Variants in AMPD3 observed in about 807,000 individuals in gnomAD.
AMPD3 encodes the protein AMP deaminase 3.
Under a neutral mutation model 82.3 loss-of-function variants are expected in AMPD3, and 57 were observed. The ratio of observed to expected loss-of-function variants is 0.69; its 90% CI spans 0.56 to 0.86. The LOEUF (loss-of-function observed/expected upper bound fraction) is 0.86. AMPD3 is among the 40% of genes least tolerant of loss of function. The pLI is 0.00. For missense variants in AMPD3, 870 were observed against 1,003.8 expected (o/e 0.87, Z 1.80); for synonymous variants, 381 against 394.7 (o/e 0.97, Z 0.41).
intron 3 of AMPD3, among the ~76,000 whole-genome samples, chr11:10,480,696 A>G (rs978072068): frequency 6.6e-6 from 1 of 152,132 alleles, no homozygotes; most frequent in Non-Finnish European, 1.5e-5. Context: ...AATTATGCTA[A>G]ATATTATTGT....
At position 10,495,842 on chromosome 11, in the gene AMPD3, G is replaced by A. The variant is rs1444945412; in HGVS notation, c.1430+109G>A. On this transcript the variant is annotated intron_variant, in intron 9 of 14. Coordinates refer to ENST00000396553, the MANE Select transcript of AMPD3 (RefSeq NM_001025389.2). ...AGGGGTAGGGCCTGTTCTGGTGCCA[G>A]CTTACGCTTGTCCTTTCCAGGGATT... The A allele has an allele frequency of 4.3e-6, 6 of 1,387,880 alleles. No individual in the cohort carries two copies. The Admixed American group carries it at 5.6e-5, about 13-fold the overall frequency. 86.0% of individuals were successfully genotyped at this position (1,387,880 alleles called of 1,614,324 possible).
intron 6 of AMPD3, among the ~76,000 whole-genome samples, chr11:10,490,187 G>A (rs1225699889): frequency 1.3e-5 from 2 of 152,230 alleles, no homozygotes; most frequent in Non-Finnish European, 2.9e-5. Context: ...TACAGCAGGT[G>A]AAGGGCTGAG....
intron 10 of AMPD3, chr11:10,499,619 A>G: frequency 1.0e-6 from 1 of 981,616 alleles, no homozygotes; most frequent in Non-Finnish European, 1.2e-6. Context: ...TGCTCTGAAT[A>G]TGAATTAACT....
intron 4 of AMPD3, 31 bp from the exon 5 acceptor site, chr11:10,484,789 C>G: frequency 6.2e-7 from 1 of 1,609,624 alleles, no homozygotes; most frequent in South Asian, 1.1e-5. Flanking sequence ...AGGTCAGGGG[C>G]ACTTTGCCAT....
chr11:10,476,763 C>T (rs1795385480), intron 2 of AMPD3, among the ~76,000 whole-genome samples: 2 of 152,314 alleles, frequency 1.3e-5, no homozygotes, highest in Middle Eastern at 3.4e-3. Context: ...GAACCTCATC[C>T]TCAAGGTGAA....
Position 10,482,131 on chromosome 11 carries a change from T to G in AMPD3, c.495T>G (p.Tyr165Ter), listed in dbSNP as rs774133774. The change falls in exon 4 of 15, where the codon TAT (tyrosine) becomes TAG (stop). Residue 165 changes from tyrosine (Y) to a stop codon, truncating the protein, a stop_gained. Coordinates refer to ENST00000396553, the MANE Select transcript of AMPD3 (RefSeq NM_001025389.2). LOFTEE classifies it high-confidence loss of function. ...LAKALMIREK[Y>*]ARLAYHRFPR... is the part of the protein sequence containing the mutation. The stretch of plus-strand genomic sequence containing the variant: ...AGGCCCTAATGATCCGGGAGAAGTA[T>G]GCGCGGCTCGCCTACCACCGCTTCC... The G allele has an allele frequency of 3.1e-6, 5 of 1,614,168 alleles. No individual in the cohort carries two copies. Among genetic ancestry groups the G allele is most frequent in the Non-Finnish European group, 4.2e-6 (5 of 1,180,042 alleles).
intron 7 of AMPD3, among the ~76,000 whole-genome samples, chr11:10,494,025 CA>C (rs1849317571): frequency 6.6e-6 from 1 of 152,198 alleles, no homozygotes; most frequent in Admixed American, 6.5e-5. Flanking sequence ...AACAGATACT[CA>C]CATACCAATG....
In AMPD3 at chr11:10,504,590, G is replaced by A. The variant is rs1849665323; in HGVS notation, c.2058G>A (p.Trp686Ter). Residue 686 changes from tryptophan (W) to a stop codon, truncating the protein, a stop_gained, in exon 14 of 15, where the codon TGG becomes TGA. Coordinates refer to ENST00000396553, the MANE Select transcript of AMPD3 (RefSeq NM_001025389.2). LOFTEE classifies it high-confidence loss of function. ...AATATGCCATTGCAGCTCAAGTGTG[G>A]AAGCTGAGCACCTGCGACCTGTGTG... ...MEEYAIAAQV[W>*]KLSTCDLCEI... is the part of the protein sequence containing the mutation. 1 of 1,614,188 alleles carries A rather than the reference G, an allele frequency of 6.2e-7. No individual in the cohort carries two copies.
chr11:10,461,614 A>G lies in AMPD3; in HGVS notation c.95A>G (p.Glu32Gly), dbSNP rs1174342627. 6.2e-7 allele frequency: 1 copy of G among 1,614,250 alleles called. No individual in the cohort carries two copies. Among genetic ancestry groups the G allele is most frequent in the Admixed American group, 1.7e-5 (1 of 60,028 alleles). Reference protein sequence around the residue: ...EKVFAKVLREEDSKDALSLFT... With the variant: ...EKVFAKVLREGDSKDALSLFT... Reference sequence around the variant, plus strand: ...GTGTTTGCTAAAGTGCTCCGAGAAGAGGACAGCAAAGATGCCCTGTCCCTG... The same window carrying G: ...GTGTTTGCTAAAGTGCTCCGAGAAGGGGACAGCAAAGATGCCCTGTCCCTG... Residue 32 changes from glutamate (E) to glycine (G), a missense_variant, in exon 2 of 15, where the codon GAG (glutamate) becomes GGG (glycine). Glu to Gly is a moderately conservative substitution (Grantham distance 98). Transcript: ENST00000396553.
chr11:10,496,367 G>T (rs1849400132), intron 9 of AMPD3: 2 of 985,318 alleles, frequency 2.0e-6, no homozygotes, highest in South Asian at 4.7e-5. Flanking sequence ...TACATTGCTG[G>T]CCTCTCCCTG....
rs748269293 is a variant in AMPD3 at position 10,484,857 on chromosome 11, C to T, written c.627C>T (p.Tyr209=). 5 of 1,613,992 alleles carry T rather than the reference C, an allele frequency of 3.1e-6. No homozygotes were observed. The African/African-American group carries it at 6.7e-5, about 22-fold the overall frequency. ...HPPPLPQEDP[Y]CLDDAPPNLD... Reference sequence around the variant, plus strand: ...CTCCACTGCCCCAGGAAGACCCCTACTGCCTGGATGATGCACCCCCCAACC... The same window carrying T: ...CTCCACTGCCCCAGGAAGACCCCTATTGCCTGGATGATGCACCCCCCAACC... Residue 209 remains tyrosine (Y), a synonymous_variant, in exon 5 of 15, where the codon TAC becomes TAT. Coordinates refer to ENST00000396553, the MANE Select transcript of AMPD3 (RefSeq NM_001025389.2).
intron 11 of AMPD3, among the ~76,000 whole-genome samples, 175 bp downstream of exon 11, chr11:10,500,424 G>A (rs1301553114): frequency 1.3e-5 from 2 of 152,178 alleles, no homozygotes; most frequent in Non-Finnish European, 2.9e-5. Context: ...CCTGCTATAT[G>A]AGGCATGTCT....
Position 10,499,723 on chromosome 11 carries a change from C to T in AMPD3, c.1558-363C>T, listed in dbSNP as rs988610467. On this transcript the variant is annotated intron_variant, in intron 10 of 14. Coordinates refer to ENST00000396553, the MANE Select transcript of AMPD3 (RefSeq NM_001025389.2). ...TTGTCGCTGCTGCTGATGGCAATGG[C>T]CACTCCTCCCTGCAGGCTGGCCTCG... 2.3e-5 allele frequency: 23 copies of T among 984,914 alleles called. No individual in the cohort carries two copies. The African/African-American group carries it at 4.0e-4, about 17-fold the overall frequency. The allele number at this position is 984,914 out of a possible 1,614,324, so 61.0% of individuals were successfully genotyped here. A position where few individuals can be genotyped will look rare whatever the true frequency, so the allele number is the denominator to read the frequency against.
intron 2 of AMPD3, among the ~76,000 whole-genome samples, chr11:10,462,172 T>G (rs751678815): frequency 3.3e-5 from 5 of 152,104 alleles, no homozygotes; most frequent in Non-Finnish European, 7.4e-5. Context: ...AGACAATAAT[T>G]AAGTAACTGG....
At chr11:10,493,749 C>T (rs755192525) in intron 7 of AMPD3, 108 of 671,518 alleles carry the variant, frequency 1.6e-4, no homozygotes, top group Non-Finnish European at 2.6e-4. Flanking sequence ...TGGCTTGGGG[C>T]CTGACAGGTC....
rs545464686 is a variant in AMPD3, at chr11:10,481,666, G to A, written c.427-397G>A. 237 of 254,456 alleles carry A rather than the reference G, an allele frequency of 9.3e-4. 1 individual carries two copies. The highest frequency in any genetic ancestry group is 5.1e-3 in the African/African-American group (222 of 43,288). 15.8% of individuals were successfully genotyped at this position (254,456 alleles called of 1,614,324 possible). On this transcript the variant is annotated intron_variant, in intron 3 of 14. Coordinates refer to ENST00000396553, the MANE Select transcript of AMPD3 (RefSeq NM_001025389.2). ...GAGCGATACATGGAGGATACGAGGT[G>A]CAAGCTTCCAAGGTCCTCTCCCAGC... is the stretch of plus-strand genomic sequence containing the variant.
intron 2 of AMPD3, chr11:10,477,981 T>C: frequency 5.1e-6 from 5 of 985,442 alleles, no homozygotes; most frequent in Non-Finnish European, 6.0e-6. Context: ...AACAAGGAGA[T>C]TGGATTCATT....
intron 4 of AMPD3, among the ~76,000 whole-genome samples, chr11:10,483,703 G>C (rs1411704008): frequency 6.6e-6 from 1 of 152,242 alleles, no homozygotes; most frequent in African/African-American, 2.4e-5. Flanking sequence ...GGCCGTGCCT[G>C]ATGGGGCATT....
chr11:10,500,053 C>T (rs1229748187), intron 10 of AMPD3, 33 bp from the exon 11 acceptor site: 3 of 1,613,880 alleles, frequency 1.9e-6, no homozygotes, highest in African/African-American at 1.3e-5. Flanking sequence ...CTGGTCCTGC[C>T]TTGGCCTGGT....
Sources: allele counts gnomAD v4.1 joint callset (sites outside exome capture counted in the v4.1 genomes callset), GRCh38; gene constraint gnomAD v4.1.1; transcripts MANE v1.5; gene names NCBI Gene and HGNC (gene_info 2026-07-23, HGNC 2026-07-21).